The following CTNNA2 variants were observed in gnomAD, a reference collection of about 807,000 sequenced individuals.
CTNNA2 encodes catenin alpha 2.
Under a neutral mutation model 101.0 loss-of-function variants are expected in CTNNA2, and 42 were observed. The observed-to-expected ratio is 0.42, with a 90% CI of 0.32 to 0.54. The LOEUF is 0.54. Among genes scored for constraint, CTNNA2 ranks in the 20% least tolerant of loss-of-function variants. CTNNA2 has a pLI of 0.14. For missense variants in CTNNA2, 871 were observed against 1,223.1 expected (o/e 0.71, Z 4.29); for synonymous variants, 450 against 456.4 (o/e 0.99, Z 0.18).
At chr2:80,406,336 A>G (rs1029593321) in intron 8 of CTNNA2, among the ~76,000 whole-genome samples, 18 of 111,086 alleles carry the variant, frequency 1.6e-4, no homozygotes, top group African/African-American at 1.2e-3. Context: ...CTCCTTCTCG[A>G]AAAAAAAAAA....
At chr2:80,540,426 A>G (rs946484930) in intron 9 of CTNNA2, among the ~76,000 whole-genome samples, 1 of 151,962 alleles carries the variant, frequency 6.6e-6, no homozygotes, top group African/African-American at 2.4e-5. Flanking sequence ...GTGAAACCCC[A>G]TCTCTACTAA....
intron 9 of CTNNA2, among the ~76,000 whole-genome samples, chr2:80,421,004 C>G (rs1001962148): frequency 3.3e-5 from 5 of 152,184 alleles, no homozygotes; most frequent in Non-Finnish European, 4.4e-5. Context: ...TCACATTCCA[C>G]CTACATGCTC....
chr2:79,980,425 T>G (rs555760), intron 7 of CTNNA2, among the ~76,000 whole-genome samples: 5 of 152,208 alleles, frequency 3.3e-5, no homozygotes, highest in Admixed American at 3.3e-4. Flanking sequence ...CCTCATTGGT[T>G]TTAATATTTT....
intron 9 of CTNNA2, among the ~76,000 whole-genome samples, chr2:80,515,670 A>G (rs1689057487): frequency 1.3e-5 from 2 of 152,218 alleles, no homozygotes; most frequent in East Asian, 1.9e-4. Context: ...TAAATTTGAA[A>G]TGTGTTTTTT....
chr2:79,976,031 G>C lies in CTNNA2; in HGVS notation c.1056+66234G>C, dbSNP rs74326717. On this transcript the variant is annotated intron_variant, in intron 7 of 18. Coordinates refer to ENST00000402739, the MANE Select transcript of CTNNA2 (RefSeq NM_001282597.3). ...TGGTCTTCTGGTGACCAGCTCCCAA[G>C]CTGAATTTATCTAGGGATCCCCAGC... Among the ~76,000 whole-genome samples, 838 of 152,228 alleles carry C rather than the reference G, an allele frequency of 5.5e-3. 19 individuals carry two copies. In the East Asian group the frequency reaches 0.067, roughly 12 times the overall value.
At chr2:80,588,704 G>A (rs1193140938) in intron 14 of CTNNA2, among the ~76,000 whole-genome samples, 1 of 152,130 alleles carries the variant, frequency 6.6e-6, no homozygotes, top group Non-Finnish European at 1.5e-5. Flanking sequence ...CCGCAGGCAT[G>A]CCACCACCCT....
intron 18 of CTNNA2, among the ~76,000 whole-genome samples, chr2:80,624,258 G>A (rs1420345653): frequency 6.6e-6 from 1 of 151,844 alleles, no homozygotes; most frequent in Admixed American, 6.6e-5. Flanking sequence ...AAACGTGTAT[G>A]TCAGCATTCT....
In CTNNA2 at chr2:80,316,071, ATCTTC is replaced by A. The variant is rs534621991; in HGVS notation, c.1057-77135_1057-77131del. 1.2e-4 allele frequency among the ~76,000 whole-genome samples: 18 copies of A among 152,318 alleles called. 1 individual carries two copies. The South Asian group carries it at 3.5e-3, about 30-fold the overall frequency. The stretch of plus-strand genomic sequence containing the variant: ...CCTAAGTCCCTTTCTTAGAATTGCT[ATCTTC>A]TCTTGTTGAGTGATAGATCTTTGAT... On this transcript the variant is annotated intron_variant, in intron 7 of 18. Coordinates refer to ENST00000402739, the MANE Select transcript of CTNNA2 (RefSeq NM_001282597.3).
Position 79,685,956 on chromosome 2 carries a change from A to G in CTNNA2, c.102+34298A>G, listed in dbSNP as rs116939451. On this transcript the variant is annotated intron_variant, in intron 2 of 18. Transcript: ENST00000402739. ...TACTGACCACTGAGGGGCACATGTG[A>G]GGGGCACCTAACCCAAGCTTGGAAG... Among the ~76,000 whole-genome samples, 4 of 152,194 alleles carry G rather than the reference A, an allele frequency of 2.6e-5. No individual in the cohort carries two copies. The East Asian group carries it at 7.8e-4, about 30-fold the overall frequency.
rs187463108 is a variant in CTNNA2, at chr2:79,800,393, C to A, written c.298+55811C>A. 1.2e-4 allele frequency among the ~76,000 whole-genome samples: 19 copies of A among 152,242 alleles called. No individual in the cohort carries two copies. In the East Asian group the frequency reaches 3.5e-3, roughly 28 times the overall value. Reference sequence around the variant, plus strand: ...TCCCACCTAGATTCAATTCTGATTCCTTCTCTGAATGAACATTGACTTCCT... The same window carrying A: ...TCCCACCTAGATTCAATTCTGATTCATTCTCTGAATGAACATTGACTTCCT... On this transcript the variant is annotated intron_variant, in intron 3 of 18. Coordinates refer to ENST00000402739, the MANE Select transcript of CTNNA2 (RefSeq NM_001282597.3).
chr2:79,836,873 G>T (rs751811143), intron 3 of CTNNA2, among the ~76,000 whole-genome samples: 3 of 151,972 alleles, frequency 2.0e-5, no homozygotes, highest in Non-Finnish European at 4.4e-5. Context: ...GGGCTCTAAT[G>T]ATCCTCCCGC....
intron 2 of CTNNA2, among the ~76,000 whole-genome samples, chr2:79,702,902 G>T (rs558196651): frequency 1.3e-5 from 2 of 152,218 alleles, no homozygotes; most frequent in East Asian, 3.9e-4. Flanking sequence ...TTAACTTCTG[G>T]GTCCTAAAGA....
chr2:79,992,031 A>G (rs72813754), intron 7 of CTNNA2, among the ~76,000 whole-genome samples: 460 of 152,310 alleles, frequency 3.0e-3, no homozygotes, highest in Non-Finnish European at 5.5e-3. Context: ...GGTATCAGTG[A>G]CGGATATTGA....
At chr2:80,367,649 A>G (rs1163697901) in intron 7 of CTNNA2, among the ~76,000 whole-genome samples, 1 of 152,096 alleles carries the variant, frequency 6.6e-6, no homozygotes, top group African/African-American at 2.4e-5. Context: ...AACCAGCATT[A>G]TGATTAACTT....
At chr2:80,067,944 C>T (rs1698088547) in intron 7 of CTNNA2, among the ~76,000 whole-genome samples, 1 of 152,216 alleles carries the variant, frequency 6.6e-6, no homozygotes, top group African/African-American at 2.4e-5. Flanking sequence ...TCACCGACAT[C>T]TTGACCGCAA....
At chr2:79,576,930 G>A (rs942286237) in intron 1 of CTNNA2, among the ~76,000 whole-genome samples, 14 of 152,082 alleles carry the variant, frequency 9.2e-5, no homozygotes, top group African/African-American at 2.7e-4. Flanking sequence ...ACATAAACAC[G>A]TTTTACTTAA....
intron 4 of CTNNA2, among the ~76,000 whole-genome samples, chr2:79,432,312 A>G (rs889200158): frequency 2.0e-5 from 3 of 152,116 alleles, no homozygotes; most frequent in African/African-American, 7.3e-5. Flanking sequence ...CCAAGCAGTC[A>G]ACTTCCTCAT....
intron 7 of CTNNA2, among the ~76,000 whole-genome samples, chr2:80,365,309 T>C (rs1406824450): frequency 6.6e-6 from 1 of 152,170 alleles, no homozygotes; most frequent in Non-Finnish European, 1.5e-5. Context: ...GAATGAGTAG[T>C]AGGCACCCAC....
At chr2:80,317,832 A>T (rs887725196) in intron 7 of CTNNA2, among the ~76,000 whole-genome samples, 1 of 152,210 alleles carries the variant, frequency 6.6e-6, no homozygotes, top group African/African-American at 2.4e-5. Context: ...GGCAATCATC[A>T]GCTTCATGAT....
Sources: allele counts gnomAD v4.1 joint callset (sites outside exome capture counted in the v4.1 genomes callset), GRCh38; gene constraint gnomAD v4.1.1; transcripts MANE v1.5; gene names NCBI Gene and HGNC (gene_info 2026-07-23, HGNC 2026-07-21).